The following GRIP2 variants were observed in gnomAD, a reference collection of about 807,000 sequenced individuals.
The protein encoded by GRIP2 is glutamate receptor interacting protein 2, also known as glutamate receptor-interacting protein 2.
Under a neutral mutation model 108.3 loss-of-function variants are expected in GRIP2, and 58 were observed. The observed-to-expected ratio is 0.54, with a 90% confidence interval of 0.43 to 0.67. The LOEUF is 0.67. GRIP2 is among the 30% of genes least tolerant of loss of function. The pLI is 0.00. For missense variants in GRIP2, 1,278 were observed against 1,430.6 expected (o/e 0.89, Z 1.72); for synonymous variants, 586 against 598.2 (o/e 0.98, Z 0.30).
chr3:14,557,489 T>C (rs759891634), upstream of GRIP2, among the ~76,000 whole-genome samples: 3 of 152,174 alleles, frequency 2.0e-5, no homozygotes, highest in African/African-American at 4.8e-5. Context: ...GGAGGCTCTG[T>C]TGGGGCAACT....
At chr3:14,503,958 G>T in intron 20 of GRIP2, 2 of 450,494 alleles carry the variant, frequency 4.4e-6, no homozygotes, top group South Asian at 4.9e-5. Flanking sequence ...GGATGCCTAG[G>T]AAGAGAGACA....
rs1693824514 is a variant in GRIP2 at position 14,503,493 on chromosome 3, C to T, written c.2679+73G>A. On this transcript the variant is annotated intron_variant, in intron 21 of 23. Coordinates refer to ENST00000621039, the MANE Select transcript of GRIP2 (RefSeq NM_001080423.4). Reference sequence around the variant, plus strand: ...GAGCATGATGCCATCAGCATGCCTTCCTCCCATTGCACACACACCAGAGTG... The same window carrying T: ...GAGCATGATGCCATCAGCATGCCTTTCTCCCATTGCACACACACCAGAGTG... 16 of 1,016,322 alleles carry T rather than the reference C, an allele frequency of 1.6e-5. No individual in the cohort carries two copies. The South Asian group carries it at 2.2e-4, about 14-fold the overall frequency. 63.0% of individuals were successfully genotyped at this position (1,016,322 alleles called of 1,614,324 possible).
In GRIP2 at chr3:14,553,480, C is replaced by T. The variant is rs139893431; in HGVS notation, c.55+2420G>A. ...GCAAACTCCTACTCATCCTTAAATA[C>T]GCAGCTCTGGGAGTCTCTTTTGACC... is the stretch of plus-strand genomic sequence containing the variant. On this transcript the variant is annotated intron_variant, in intron 1 of 23. Coordinates refer to the GRIP2 transcript ENST00000637182. Among the ~76,000 whole-genome samples, 18 of 152,236 alleles carry T rather than the reference C, an allele frequency of 1.2e-4. No individual in the cohort carries two copies. The East Asian group carries it at 1.7e-3, about 15-fold the overall frequency.
chr3:14,545,424 G>A (rs543494385), upstream of GRIP2, among the ~76,000 whole-genome samples: 91 of 152,344 alleles, frequency 6.0e-4, 1 homozygote, highest in Non-Finnish European at 9.8e-4. Flanking sequence ...TGAACACAGA[G>A]TCAGGAGGGC....
In GRIP2 at chr3:14,522,737, A is replaced by T; in HGVS notation, c.566+263T>A. 2.1e-6 allele frequency: 1 copy of T among 475,530 alleles called. No individual in the cohort carries two copies. The highest frequency in any genetic ancestry group is 3.8e-6 in the Non-Finnish European group (1 of 263,698). The allele number at this position is 475,530 out of a possible 1,614,324, so 29.5% of individuals were successfully genotyped here. ...AAACCAAGGAGCAGGAAAGGGAAGAACGACACCAAGGCTGCCCCTCTCCAA... is the reference window on the plus strand; with the variant it reads ...AAACCAAGGAGCAGGAAAGGGAAGATCGACACCAAGGCTGCCCCTCTCCAA... On this transcript the variant is annotated intron_variant, in intron 6 of 23. Coordinates refer to ENST00000621039, the MANE Select transcript of GRIP2 (RefSeq NM_001080423.4). This position sits in a 1 kb window ranked among gnomAD's most constrained non-coding sequence, Gnocchi z 4.3.
chr3:14,574,395 C>T, the GRIP2 span: 9 of 803,124 alleles, frequency 1.1e-5, no homozygotes, highest in Admixed American at 9.4e-5. Flanking sequence ...CATCTCCTGT[C>T]GGAGCCGCAC....
intron 19 of GRIP2, among the ~76,000 whole-genome samples, chr3:14,506,353 G>T (rs1405288365): frequency 6.6e-6 from 1 of 152,240 alleles, no homozygotes; most frequent in African/African-American, 2.4e-5. Context: ...AACATGCATT[G>T]GCCTGGGAGG....
At chr3:14,584,856 G>A in the GRIP2 span, among the ~76,000 whole-genome samples, 8 of 152,264 alleles carry the variant, frequency 5.3e-5, no homozygotes, top group Admixed American at 3.9e-4. Context: ...TCACTGCCTC[G>A]CTGCCTCTGC....
chr3:14,598,989 C>T, the GRIP2 span, among the ~76,000 whole-genome samples: 6 of 152,150 alleles, frequency 3.9e-5, no homozygotes, highest in Admixed American at 1.3e-4. Flanking sequence ...AGCACCCTCC[C>T]GCGGGACTCT....
the GRIP2 span, among the ~76,000 whole-genome samples, chr3:14,570,805 C>T: frequency 2.0e-5 from 3 of 152,314 alleles, no homozygotes; most frequent in African/African-American, 7.2e-5. Flanking sequence ...GAGAAGCTGG[C>T]GCTCGACCTG....
At chr3:14,590,902 G>T in the GRIP2 span, among the ~76,000 whole-genome samples, 2 of 152,202 alleles carry the variant, frequency 1.3e-5, no homozygotes, top group Non-Finnish European at 2.9e-5. Context: ...TTATGTGAAC[G>T]TTCTACTCCA....
chr3:14,523,935 G>A (rs1694481388), intron 4 of GRIP2: 2 of 550,046 alleles, frequency 3.6e-6, no homozygotes, highest in Admixed American at 6.3e-5. Context: ...AGAGACGACG[G>A]CAGAACTCAG....
chr3:14,574,375 C>A, the GRIP2 span: 4 of 909,150 alleles, frequency 4.4e-6, no homozygotes, highest in South Asian at 5.5e-5. Flanking sequence ...CGCGGCCCCG[C>A]GGTGCTCACC....
At chr3:14,586,164 C>T in the GRIP2 span, among the ~76,000 whole-genome samples, 17 of 152,322 alleles carry the variant, frequency 1.1e-4, no homozygotes, top group South Asian at 4.1e-4. Context: ...TGGTTGGGCC[C>T]CACACAAATG....
At chr3:14,541,672 A>G (rs545838327), upstream of GRIP2, among the ~76,000 whole-genome samples, 9 of 152,232 alleles carry the variant, frequency 5.9e-5, no homozygotes, top group South Asian at 4.1e-4. Flanking sequence ...CCCACTTCCT[A>G]TGGTGCCTTC....
rs777440347 is a variant in GRIP2 at position 14,496,507 on chromosome 3, G to T, written c.2733C>A (p.Gly911=). ...VQRVALEGRP[G]HRPWQRGREV... is the part of the protein sequence containing the mutation. ...CCCGGCCCCTCTGCCAAGGCCGGTG[G>T]CCAGGCCTGCCCTCGAGGGCCACCC... Residue 911 remains glycine, a synonymous_variant, in exon 22 of 24, where the codon GGC becomes GGA. Coordinates refer to ENST00000621039, the MANE Select transcript of GRIP2 (RefSeq NM_001080423.4). 3 of 1,612,514 alleles carry T rather than the reference G, an allele frequency of 1.9e-6. No individual in the cohort carries two copies. Among genetic ancestry groups the T allele is most frequent in the Non-Finnish European group, 1.7e-6 (2 of 1,179,474 alleles).
At chr3:14,595,970 G>A in the GRIP2 span, among the ~76,000 whole-genome samples, 1 of 152,248 alleles carries the variant, frequency 6.6e-6, no homozygotes, top group African/African-American at 2.4e-5. Flanking sequence ...ATGGGACGGG[G>A]TCCCTGCCCC....
At chr3:14,556,887 T>C (rs963249860), upstream of GRIP2, among the ~76,000 whole-genome samples, 2 of 152,176 alleles carry the variant, frequency 1.3e-5, no homozygotes, top group Admixed American at 1.3e-4. Context: ...GTTGCAGAGG[T>C]GGCTCTAGAA....
the GRIP2 span, among the ~76,000 whole-genome samples, chr3:14,563,470 G>A: frequency 1.3e-5 from 2 of 152,150 alleles, no homozygotes; most frequent in African/African-American, 4.8e-5. Context: ...GGCGGGGGCT[G>A]GGGGAAGAGT....
Sources: gnomAD v4.1 joint callset for allele counts (sites outside exome capture counted in the v4.1 genomes callset) on GRCh38, gnomAD v4.1.1 for gene constraint, Gnocchi (gnomAD v3.1) non-coding constraint, MANE v1.5 for transcripts, NCBI Gene and HGNC (gene_info 2026-07-23, HGNC 2026-07-21) for gene names.